Variants in KIF6 observed in about 807,000 individuals in gnomAD.
KIF6 encodes the protein kinesin family member 6.
Under a neutral mutation model 112.7 loss-of-function variants are expected in KIF6, and 106 were observed. That is an observed-to-expected ratio of 0.94 (90% confidence interval 0.80 to 1.11). KIF6 has a LOEUF of 1.11. KIF6 is among the 50% of genes least tolerant of loss of function. The probability of loss-of-function intolerance (pLI) is 0.00; values close to 1 mark genes in which losing one functional copy is unlikely to be tolerated. For missense variants in KIF6, 929 were observed against 964.0 expected, an observed-to-expected ratio of 0.96 and a Z score of 0.48; for synonymous variants, 339 against 339.9, an observed-to-expected ratio of 1.00 and a Z score of 0.03.
chr6:39,510,936 T>A (rs1022989563), intron 13 of KIF6, among the ~76,000 whole-genome samples: 2 of 147,016 alleles, frequency 1.4e-5, no homozygotes, highest in African/African-American at 5.0e-5. Context: ...AAACAGACTT[T>A]AAACCAACAA....
chr6:39,420,021 G>A lies in KIF6; in HGVS notation c.1755-18C>T. ...CAGAAAATCTGGAGGGGAAAAAAAT[G>A]AAAATTGTAGTTTTTCTGTTCATCC... On this transcript the variant is annotated intron_variant, in intron 14 of 22. Transcript: ENST00000287152. The A allele has an allele frequency of 6.3e-7, 1 of 1,583,780 alleles. No homozygotes were observed. Among genetic ancestry groups the A allele is most frequent in the Non-Finnish European group, 8.7e-7 (1 of 1,152,676 alleles).
intron 17 of KIF6, among the ~76,000 whole-genome samples, chr6:39,361,590 G>A (rs1765144419): frequency 6.6e-6 from 1 of 151,002 alleles, no homozygotes; most frequent in Non-Finnish European, 1.5e-5. Context: ...AGCGGGGGGT[G>A]TTGGAAAGAA....
At chr6:39,568,421 T>C (rs1780439436) in intron 10 of KIF6, among the ~76,000 whole-genome samples, 2 of 152,150 alleles carry the variant, frequency 1.3e-5, no homozygotes, top group African/African-American at 4.8e-5. Context: ...TTTAGGGCCT[T>C]TGCATTTGGG....
At position 39,346,049 on chromosome 6, in the gene KIF6, G is replaced by GCTCACTCTCTCTCT. The variant is rs1554196850; in HGVS notation, c.2232-261_2232-260insAGAGAGAGAGTGAG. ...TAAGAGGAGGATGAGAAACTACAGT[G>GCTCACTCTCTCTCT]CTCTCTCTCTCTCTCTCTCTCTCTC... is the stretch of plus-strand genomic sequence containing the variant. On this transcript the variant is annotated intron_variant, in intron 20 of 22. Coordinates refer to ENST00000287152, the MANE Select transcript of KIF6 (RefSeq NM_145027.6). Among the ~76,000 whole-genome samples, 4 of 29,006 alleles carry GCTCACTCTCTCTCT rather than the reference G, an allele frequency of 1.4e-4. 1 individual carries two copies. The highest frequency in any genetic ancestry group is 3.8e-4 in the African/African-American group (3 of 7,856). 19.0% of individuals were successfully genotyped at this position (29,006 alleles called of 152,430 possible). A position where few individuals can be genotyped will look rare whatever the true frequency, so the allele number is the denominator to read the frequency against.
intron 14 of KIF6, 23 bp from the exon 15 acceptor site, chr6:39,420,026 T>C (rs746985419): frequency 6.3e-7 from 1 of 1,574,866 alleles, no homozygotes; most frequent in Non-Finnish European, 8.7e-7. Flanking sequence ...AAAATGAAAA[T>C]TGTAGTTTTT....
intron 13 of KIF6, among the ~76,000 whole-genome samples, chr6:39,519,613 A>C (rs1257627469): frequency 6.6e-6 from 1 of 152,118 alleles, no homozygotes; most frequent in African/African-American, 2.4e-5. Context: ...GAGTCTAGGA[A>C]GGGAAATGGA....
At chr6:39,578,810 C>A (rs1781128956) in intron 9 of KIF6, among the ~76,000 whole-genome samples, 1 of 152,058 alleles carries the variant, frequency 6.6e-6, no homozygotes, top group Non-Finnish European at 1.5e-5. Flanking sequence ...TGTAGTGTAT[C>A]ATTTTGCATG....
At chr6:39,511,614 A>G (rs1454902373) in intron 13 of KIF6, among the ~76,000 whole-genome samples, 2 of 152,258 alleles carry the variant, frequency 1.3e-5, no homozygotes, top group African/African-American at 4.8e-5. Flanking sequence ...AGGATTATAA[A>G]TCATGCTACT....
At chr6:39,674,681 AG>A (rs1322437162) in intron 3 of KIF6, among the ~76,000 whole-genome samples, 1 of 151,850 alleles carries the variant, frequency 6.6e-6, no homozygotes, top group Non-Finnish European at 1.5e-5. Context: ...GAAAATCTTT[AG>A]TGGCCTATTC....
At chr6:39,533,438 A>C (rs1778197383) in intron 13 of KIF6, among the ~76,000 whole-genome samples, 1 of 152,324 alleles carries the variant, frequency 6.6e-6, no homozygotes, top group South Asian at 2.1e-4. Context: ...TCAAACTGCA[A>C]GGAGGCAGCG....
At chr6:39,339,899 C>T (rs1763228036) in intron 22 of KIF6, among the ~76,000 whole-genome samples, 1 of 152,216 alleles carries the variant, frequency 6.6e-6, no homozygotes, top group South Asian at 2.1e-4. Flanking sequence ...CCTGAGCTGA[C>T]AGTCACAAAT....
At chr6:39,377,418 T>C (rs1373887360) in intron 16 of KIF6, among the ~76,000 whole-genome samples, 1 of 148,868 alleles carries the variant, frequency 6.7e-6, no homozygotes, top group African/African-American at 2.5e-5. Flanking sequence ...TCCATATCCT[T>C]GGATTCCCAG....
chr6:39,453,923 GACT>G (rs1472884455), intron 13 of KIF6, among the ~76,000 whole-genome samples: 1 of 152,052 alleles, frequency 6.6e-6, no homozygotes, highest in African/African-American at 2.4e-5. Flanking sequence ...CTCCCTTACT[GACT>G]ACTACACTGC....
intron 9 of KIF6, among the ~76,000 whole-genome samples, chr6:39,582,436 A>G (rs1385532727): frequency 6.6e-6 from 1 of 151,280 alleles, no homozygotes; most frequent in African/African-American, 2.4e-5. Context: ...TTTGAGATGG[A>G]GTTTTGCTCT....
In KIF6 at chr6:39,371,592, AG is replaced by A. The variant is rs1282121441; in HGVS notation, c.1862-9075del. 5.9e-5 allele frequency among the ~76,000 whole-genome samples: 9 copies of A among 152,280 alleles called. 1 individual carries two copies. The South Asian group carries it at 1.9e-3, about 32-fold the overall frequency. On this transcript the variant is annotated intron_variant, in intron 16 of 22. Transcript: ENST00000287152. Reference sequence around the variant, plus strand: ...ACTTTTCCCTGTCTTGTCCAGGCCTAGGGACAGCAATGCTTCCTGCCTTGCT... The same window carrying A: ...ACTTTTCCCTGTCTTGTCCAGGCCTAGGACAGCAATGCTTCCTGCCTTGCT...
At chr6:39,567,700 T>C (rs372385721) in intron 10 of KIF6, among the ~76,000 whole-genome samples, 2 of 152,020 alleles carry the variant, frequency 1.3e-5, no homozygotes, top group Admixed American at 1.3e-4. Flanking sequence ...CTCCGCCTCT[T>C]GGGTTCACAC....
At chr6:39,435,695 AAAG>A (rs1771477867) in intron 13 of KIF6, among the ~76,000 whole-genome samples, 1 of 152,204 alleles carries the variant, frequency 6.6e-6, no homozygotes, top group African/African-American at 2.4e-5. Context: ...AGATGCTGCA[AAAG>A]ACATTATTTT....
At chr6:39,600,613 A>T (rs1239071908) in intron 6 of KIF6, among the ~76,000 whole-genome samples, 1 of 152,012 alleles carries the variant, frequency 6.6e-6, no homozygotes, top group Non-Finnish European at 1.5e-5. Flanking sequence ...TCCAGTGCCA[A>T]ATACTCTCCA....
chr6:39,343,324 T>G lies in KIF6; in HGVS notation c.2428+385A>C, dbSNP rs1388177229. 1 of 1,296,442 alleles carries G rather than the reference T, an allele frequency of 7.7e-7. No individual in the cohort carries two copies. The highest frequency in any genetic ancestry group is 1.0e-6 in the Non-Finnish European group (1 of 993,374). The allele number at this position is 1,296,442 out of a possible 1,614,324, so 80.3% of individuals were successfully genotyped here. A position where few individuals can be genotyped will look rare whatever the true frequency, so the allele number is the denominator to read the frequency against. ...ACACTCTGATAGGGGAGTGAGACTT[T>G]AAGCCAGGGGTTCAACGAGTTACCA... On this transcript the variant is annotated intron_variant, in intron 22 of 22. Transcript: ENST00000287152. This position sits in a 1 kb window ranked among gnomAD's most constrained non-coding sequence, Gnocchi z 4.1.
Sources: gnomAD v4.1 joint callset for allele counts (sites outside exome capture counted in the v4.1 genomes callset) on GRCh38, gnomAD v4.1.1 for gene constraint, Gnocchi (gnomAD v3.1) non-coding constraint, MANE v1.5 for transcripts, NCBI Gene and HGNC (gene_info 2026-07-23, HGNC 2026-07-21) for gene names.